RASA2: variants seen among roughly 807,000 people sequenced by gnomAD.
RASA2 encodes ras GTPase-activating protein 2.
In RASA2, 155 loss-of-function variants were observed where a neutral mutation model predicts 118.2. The ratio of observed to expected loss-of-function variants is 1.31; its 90% CI spans 1.15 to 1.50. RASA2 has a LOEUF of 1.50. Among genes scored for constraint, RASA2 ranks in the 40% most tolerant of loss-of-function variants. The probability of loss-of-function intolerance (pLI) is 0.00; values close to 1 mark genes in which losing one functional copy is unlikely to be tolerated. For missense variants in RASA2, 1,016 were observed against 1,009.6 expected (o/e 1.01, Z -0.09); for synonymous variants, 353 against 349.1 (o/e 1.01, Z -0.12).
intron 16 of RASA2, 48 bp downstream of exon 16, chr3:141,580,499 T>A: frequency 7.0e-7 from 1 of 1,425,998 alleles, no homozygotes; most frequent in Non-Finnish European, 9.8e-7. Flanking sequence ...TAAATGTTGT[T>A]ACATCCTATG....
At chr3:141,554,416 A>G (rs1039629465) in intron 6 of RASA2, among the ~76,000 whole-genome samples, 1 of 152,240 alleles carries the variant, frequency 6.6e-6, no homozygotes, top group Non-Finnish European at 1.5e-5. Context: ...TTCCAACTGT[A>G]GAAAAACTGC....
In RASA2 at chr3:141,487,236, A is replaced by G; in HGVS notation, c.133+20A>G. ...AGATCTGTAAGCGGGGGCTGGGCTG[A>G]GGGGACGCCCTGGCGGCGCTGGGCG... On this transcript the variant is annotated intron_variant, in intron 1 of 23. Transcript: ENST00000286364. The G allele has an allele frequency of 7.5e-7, 1 of 1,328,292 alleles. No homozygotes were observed. The highest frequency in any genetic ancestry group is 9.7e-7 in the Non-Finnish European group (1 of 1,032,648). The allele number at this position is 1,328,292 out of a possible 1,614,324, so 82.3% of individuals were successfully genotyped here.
chr3:141,603,806 C>T (rs1404220194), intron 19 of RASA2, among the ~76,000 whole-genome samples: 1 of 152,146 alleles, frequency 6.6e-6, no homozygotes, highest in Non-Finnish European at 1.5e-5. Context: ...TATAGATTTG[C>T]CCATTCTAGA....
intron 3 of RASA2, among the ~76,000 whole-genome samples, chr3:141,524,722 C>T (rs1190850126): frequency 2.0e-5 from 3 of 152,130 alleles, no homozygotes; most frequent in African/African-American, 7.2e-5. Context: ...TCCCGAGTAG[C>T]TGGGACTACA....
At chr3:141,588,495 T>A (rs1278129536) in intron 19 of RASA2, among the ~76,000 whole-genome samples, 1 of 152,202 alleles carries the variant, frequency 6.6e-6, no homozygotes, top group East Asian at 1.9e-4. Flanking sequence ...TCTGTTAATC[T>A]ATCAAATCTG....
intron 1 of RASA2, among the ~76,000 whole-genome samples, chr3:141,501,342 C>G (rs2081776162): frequency 6.6e-6 from 1 of 152,126 alleles, no homozygotes; most frequent in African/African-American, 2.4e-5. Context: ...TGGTCAGGAG[C>G]TAATGGCTTG....
intron 3 of RASA2, among the ~76,000 whole-genome samples, chr3:141,523,848 TG>T (rs1340417016): frequency 6.6e-6 from 1 of 152,242 alleles, no homozygotes; most frequent in Non-Finnish European, 1.5e-5. Flanking sequence ...TCTATCTATG[TG>T]ATCTTCATTG....
At chr3:141,531,484 GTA>G (rs1174540358) in intron 4 of RASA2, among the ~76,000 whole-genome samples, 5 of 150,500 alleles carry the variant, frequency 3.3e-5, no homozygotes, top group African/African-American at 1.2e-4. Flanking sequence ...GCATATATAT[GTA>G]TATATATACA....
chr3:141,610,364 A>ATATATT (rs1166687787), intron 23 of RASA2, among the ~76,000 whole-genome samples: 1 of 121,422 alleles, frequency 8.2e-6, no homozygotes, highest in Non-Finnish European at 1.6e-5. Context: ...TTTATATATT[A>ATATATT]TATATTTATA....
chr3:141,538,006 T>C (rs916047794), intron 4 of RASA2, among the ~76,000 whole-genome samples: 1 of 152,052 alleles, frequency 6.6e-6, no homozygotes, highest in Non-Finnish European at 1.5e-5. Flanking sequence ...TTCTATCTTG[T>C]TGGCCAGAAC....
At chr3:141,553,131 A>G (rs2082598318) in intron 5 of RASA2, among the ~76,000 whole-genome samples, 1 of 152,214 alleles carries the variant, frequency 6.6e-6, no homozygotes, top group African/African-American at 2.4e-5. Context: ...AGGCTGCAGA[A>G]TTGTGTGAAG....
rs1466225983 is a variant in RASA2 at position 141,529,746 on chromosome 3, A to G, written c.394A>G (p.Ser132Gly). The G allele has an allele frequency of 6.2e-7, 1 of 1,612,418 alleles. No homozygotes were observed. Reference sequence around the variant, plus strand: ...CAAAAAAGAAGACTTGTGTAATCACAGTGGCAAAGAAACTTGGTTTTCATT... The same window carrying G: ...CAAAAAAGAAGACTTGTGTAATCACGGTGGCAAAGAAACTTGGTTTTCATT... ...AIKKEDLCNH[S>G]GKETWFSLQP... is the part of the protein sequence containing the mutation. The change falls in exon 4 of 24, where the codon AGT becomes GGT. Residue 132 changes from serine to glycine, a missense_variant. Ser to Gly is a moderately conservative substitution (Grantham distance 56). This residue lies in a region of RASA2 where 896 missense variants were observed against 836.4 expected (regional missense o/e 1.07). Coordinates refer to ENST00000286364, the MANE Select transcript of RASA2 (RefSeq NM_006506.5).
intron 3 of RASA2, among the ~76,000 whole-genome samples, chr3:141,520,717 TAC>T (rs533231950): frequency 6.2e-4 from 94 of 152,326 alleles, no homozygotes; most frequent in African/African-American, 2.2e-3. Flanking sequence ...CACAGTTATA[TAC>T]ACACGCAGAT....
chr3:141,494,091 G>A (rs1215542625), intron 1 of RASA2, among the ~76,000 whole-genome samples: 1 of 152,090 alleles, frequency 6.6e-6, no homozygotes, highest in Non-Finnish European at 1.5e-5. Context: ...TGACACTTAG[G>A]TTGTAAACAG....
chr3:141,606,314 CTTA>C (rs1006245146), intron 19 of RASA2, among the ~76,000 whole-genome samples: 2 of 152,160 alleles, frequency 1.3e-5, no homozygotes, highest in African/African-American at 2.4e-5. Flanking sequence ...ATAGTCTTTC[CTTA>C]TTATCTCATG....
At chr3:141,528,603 G>T (rs1191990862) in intron 3 of RASA2, among the ~76,000 whole-genome samples, 1 of 151,814 alleles carries the variant, frequency 6.6e-6, no homozygotes, top group African/African-American at 2.4e-5. Context: ...TAAAAAAAGT[G>T]TATGGTGTGG....
intron 1 of RASA2, among the ~76,000 whole-genome samples, chr3:141,501,853 C>A (rs2081786790): frequency 6.6e-6 from 1 of 151,958 alleles, no homozygotes; most frequent in Non-Finnish European, 1.5e-5. Context: ...TTCATTCTTT[C>A]TCACTCTTTT....
chr3:141,601,892 T>A (rs925242646), intron 19 of RASA2, among the ~76,000 whole-genome samples: 4 of 152,212 alleles, frequency 2.6e-5, no homozygotes, highest in African/African-American at 9.6e-5. Context: ...TCAGATCATT[T>A]TTACTTAAGT....
intron 5 of RASA2, among the ~76,000 whole-genome samples, chr3:141,547,071 G>A (rs1212422101): frequency 6.6e-6 from 1 of 152,072 alleles, no homozygotes; most frequent in Non-Finnish European, 1.5e-5. Flanking sequence ...CTGTTTTTAT[G>A]CCAGTACAAT....
Sources: gnomAD v4.1 joint callset for allele counts (sites outside exome capture counted in the v4.1 genomes callset) on GRCh38, gnomAD v4.1.1 for gene constraint, gnomAD v4.1.1 regional missense constraint, MANE v1.5 for transcripts, NCBI Gene and HGNC (gene_info 2026-07-23, HGNC 2026-07-21) for gene names.